The following TRPA1 variants were observed in gnomAD, a reference collection of about 807,000 sequenced individuals.
TRPA1 encodes the protein ankyrin-like with transmembrane domains 1.
TRPA1 carries 129 observed loss-of-function variants against 131.3 expected under a neutral mutation model. That is an observed-to-expected ratio of 0.98 (90% CI 0.85 to 1.14). The LOEUF (loss-of-function observed/expected upper bound fraction) is 1.14. TRPA1 is among the 50% of genes most tolerant of loss of function. The pLI, the probability that TRPA1 is intolerant of heterozygous loss-of-function variation, is 0.00. For synonymous variants in TRPA1, 441 were observed against 451.7 expected (o/e 0.98, Z 0.30); for missense variants, 1,304 against 1,354.2 (o/e 0.96, Z 0.58).
chr8:72,073,230 G>A (rs1806104410), intron 1 of TRPA1, among the ~76,000 whole-genome samples: 2 of 152,130 alleles, frequency 1.3e-5, no homozygotes, highest in Admixed American at 1.3e-4. Context: ...GTGGCCAAAA[G>A]GTTGGAAACT....
At chr8:72,072,657 C>G (rs1806090696) in intron 1 of TRPA1, among the ~76,000 whole-genome samples, 1 of 152,130 alleles carries the variant, frequency 6.6e-6, no homozygotes, top group Non-Finnish European at 1.5e-5. Context: ...TTTTCCATGT[C>G]TCATCCTATC....
At chr8:72,031,606 A>C (rs1811822606) in intron 23 of TRPA1, among the ~76,000 whole-genome samples, 1 of 150,998 alleles carries the variant, frequency 6.6e-6, no homozygotes, top group South Asian at 2.1e-4. Context: ...AAAAAAAAAC[A>C]AAAAAACAAA....
chr8:72,052,035 C>T (rs1005825909), intron 14 of TRPA1, among the ~76,000 whole-genome samples: 1 of 152,208 alleles, frequency 6.6e-6, no homozygotes, highest in Admixed American at 6.5e-5. Context: ...ATGATAAATG[C>T]TCCATGATGT....
intron 13 of TRPA1, 200 bp from the exon 14 acceptor site, chr8:72,052,965 C>CTGTGTGTGTGTGTGTGTGAGTG (rs1805551389): frequency 3.2e-6 from 1 of 308,614 alleles, no homozygotes; most frequent in Non-Finnish European, 6.1e-6. Context: ...GGAAGTGGAT[C>CTGTGTGTGTGTGTGTGTGAGTG]TGTGTGTGTG....
chr8:72,038,640 G>A (rs1442889513), intron 19 of TRPA1: 1 of 486,900 alleles, frequency 2.1e-6, no homozygotes. Context: ...TCTAACACAT[G>A]TCAATTCTTT....
chr8:72,075,332 C>A lies in TRPA1; in HGVS notation c.78G>T (p.Pro26=). ...EPQGVVYEDV[P]DDTEDFKESL... ...ATTCCTTGAAATCCTCCGTGTCGTC[C>A]GGCACATCCTCATAGACAACGCCCT... Residue 26 remains proline, a synonymous_variant, in exon 1 of 27, where the codon CCG becomes CCT. Transcript: ENST00000262209. 1.9e-6 allele frequency: 3 copies of A among 1,613,394 alleles called. No individual in the cohort carries two copies. Among genetic ancestry groups the A allele is most frequent in the Non-Finnish European group, 2.5e-6 (3 of 1,179,796 alleles).
chr8:72,069,317 T>G (rs765614329), intron 2 of TRPA1, 119 bp from the exon 3 acceptor site: 22 of 1,000,252 alleles, frequency 2.2e-5, no homozygotes, highest in Non-Finnish European at 3.2e-5. Context: ...TGCATCTTTT[T>G]ATGGAAACTA....
chr8:72,059,418 T>A lies in TRPA1; in HGVS notation c.965A>T (p.His322Leu), dbSNP rs1406624314. Residue 322 changes from histidine to leucine, a missense_variant, in exon 8 of 27, where the codon CAT becomes CTT. Transcript: ENST00000262209. ...MLHRASLFDH[H>L]ELADYLISVG... ...TGAAATTAAATAGTCTGCTAGCTCA[T>A]GGTGATCAAACAATGAAGCTCTGAA... 1.9e-6 allele frequency: 3 copies of A among 1,585,448 alleles called. No individual in the cohort carries two copies. The highest frequency in any genetic ancestry group is 1.3e-5 in the African/African-American group (1 of 74,352).
At chr8:72,075,659 A>C (rs1471219623), upstream of TRPA1, 2 of 546,640 alleles carry the variant, frequency 3.7e-6, no homozygotes, top group Admixed American at 3.1e-5. Context: ...AGAAACGCGG[A>C]GCTCCTTCGC....
At chr8:72,075,236 A>C in intron 1 of TRPA1, 63 bp downstream of exon 1, 1 of 1,303,444 alleles carries the variant, frequency 7.7e-7, no homozygotes, top group South Asian at 1.2e-5. Flanking sequence ...CCCCCAAGGA[A>C]ACCTCCAGCC....
Position 72,022,601 on chromosome 8 carries a change from T to A in TRPA1, c.*305A>T. On this transcript the variant is annotated 3_prime_UTR_variant, in exon 27 of 27. Transcript: ENST00000262209. ...TTAGCTTAATAGTTACATTTATTAC[T>A]TCTTTTCATTAAAAATGTGTGTTCT... The A allele has an allele frequency of 2.2e-6, 1 of 449,644 alleles. No homozygotes were observed. Among genetic ancestry groups the A allele is most frequent in the Non-Finnish European group, 4.1e-6 (1 of 243,472 alleles). The allele number at this position is 449,644 out of a possible 1,614,324, so 27.9% of individuals were successfully genotyped here.
In TRPA1 at chr8:72,038,901, A is replaced by G; in HGVS notation, c.2259T>C (p.Asn753=). Residue 753 remains asparagine (N), a synonymous_variant, in exon 19 of 27, where the codon AAT becomes AAC. Coordinates refer to ENST00000262209, the MANE Select transcript of TRPA1 (RefSeq NM_007332.3). ...GMAFNSTGII[N]ETSDHSEILD... ...GTATTTCTGAATGATCACTAGTTTC[A>G]TTGATGATGCCAGTTGAGTTGAAAG... 1 of 1,612,864 alleles carries G rather than the reference A, an allele frequency of 6.2e-7. No individual in the cohort carries two copies. Among genetic ancestry groups the G allele is most frequent in the Non-Finnish European group, 8.5e-7 (1 of 1,179,290 alleles).
intron 15 of TRPA1, among the ~76,000 whole-genome samples, chr8:72,049,858 T>TAAGAA (rs1463121980): frequency 6.6e-6 from 1 of 152,182 alleles, no homozygotes; most frequent in Non-Finnish European, 1.5e-5. Flanking sequence ...AGGAAAGCAA[T>TAAGAA]TGCATAAGAA....
At chr8:72,069,331 A>T in intron 2 of TRPA1, 133 bp from the exon 3 acceptor site, 6 of 877,548 alleles carry the variant, frequency 6.8e-6, no homozygotes, top group Non-Finnish European at 1.1e-5. Flanking sequence ...GAAACTAAAA[A>T]CACAGCTTCA....
intron 15 of TRPA1, 27 bp downstream of exon 15, chr8:72,050,751 G>T: frequency 1.4e-6 from 2 of 1,460,164 alleles, no homozygotes; most frequent in Non-Finnish European, 9.6e-7. Context: ...CATAAACCCG[G>T]GAAGAATTTT....
At chr8:72,032,131 A>C (rs986421234) in intron 23 of TRPA1, among the ~76,000 whole-genome samples, 1 of 152,204 alleles carries the variant, frequency 6.6e-6, no homozygotes, top group African/African-American at 2.4e-5. Flanking sequence ...GGCGTTGGGA[A>C]AGATCTTGGT....
chr8:72,040,361 G>A (rs1214481517), intron 17 of TRPA1, among the ~76,000 whole-genome samples: 3 of 152,098 alleles, frequency 2.0e-5, no homozygotes, highest in Non-Finnish European at 2.9e-5. Flanking sequence ...ATATGGAATT[G>A]AAAACAATAC....
At chr8:72,073,994 A>C (rs1968584) in intron 1 of TRPA1, among the ~76,000 whole-genome samples, 55,872 of 152,076 alleles carry the variant, frequency 0.37, 10,753 homozygotes, top group East Asian at 0.55. Context: ...TGACTCACAC[A>C]CACAATTGGC....
chr8:72,085,627 C>T, the TRPA1 span, among the ~76,000 whole-genome samples: 1 of 151,580 alleles, frequency 6.6e-6, no homozygotes, highest in Non-Finnish European at 1.5e-5. Context: ...TTTTTAGTTT[C>T]AACGTTTATC....
Sources: gnomAD v4.1 joint callset for allele counts (sites outside exome capture counted in the v4.1 genomes callset) on GRCh38, gnomAD v4.1.1 for gene constraint, MANE v1.5 for transcripts, NCBI Gene and HGNC (gene_info 2026-07-23, HGNC 2026-07-21) for gene names.